Variants in ABCC8 observed in about 807,000 individuals in gnomAD.
The protein encoded by ABCC8 is ATP-binding cassette sub-family C member 8.
Under a neutral mutation model 188.0 loss-of-function variants are expected in ABCC8, and 137 were observed. That is an observed-to-expected ratio of 0.73 (90% CI 0.63 to 0.84). The LOEUF is 0.84. Among genes scored for constraint, ABCC8 ranks in the 40% least tolerant of loss-of-function variants. ABCC8 has a pLI of 0.00. For missense variants in ABCC8, 1,750 were observed against 2,072.7 expected (o/e 0.84, Z 3.02); for synonymous variants, 797 against 846.5 (o/e 0.94, Z 1.01).
chr11:17,413,570 T>C, intron 19 of ABCC8, 92 bp from the exon 20 acceptor site: 6 of 1,611,072 alleles, frequency 3.7e-6, no homozygotes, highest in Non-Finnish European at 5.1e-6. Context: ...TGGGTAGCTA[T>C]GCCCAGGGTG....
At chr11:17,425,856 C>A (rs1448588907) in intron 16 of ABCC8, among the ~76,000 whole-genome samples, 1 of 148,214 alleles carries the variant, frequency 6.7e-6, no homozygotes, top group East Asian at 2.0e-4. Flanking sequence ...CCCAGACAGG[C>A]CCCAGTGTGT....
At chr11:17,402,945 G>A (rs1325871680) in intron 28 of ABCC8, 192 bp from the exon 29 acceptor site, 3 of 187,516 alleles carry the variant, frequency 1.6e-5, no homozygotes, top group Admixed American at 6.5e-5. Context: ...GAATGAGATC[G>A]TTTATGTACA....
chr11:17,469,789 T>G lies in ABCC8; in HGVS notation c.412+312A>C, dbSNP rs2237969. 0.31 allele frequency among the ~76,000 whole-genome samples: 47,144 copies of G among 152,032 alleles called. 7,353 individuals carry two copies. The highest frequency in any genetic ancestry group is 0.44 in the Middle Eastern group (130 of 294). ...GAATACCTTCCCCCAAATATCTGCA[T>G]GCCCACAGTTACCACAGCCCTTCCC... On this transcript the variant is annotated intron_variant, in intron 3 of 38. Transcript: ENST00000389817.
intron 7 of ABCC8, among the ~76,000 whole-genome samples, chr11:17,450,751 C>T (rs1376703768): frequency 3.1e-5 from 4 of 130,812 alleles, no homozygotes; most frequent in African/African-American, 1.2e-4. Context: ...TATAGTGGCA[C>T]GATCTCAGCT....
chr11:17,406,039 A>G (rs899441245), intron 26 of ABCC8, among the ~76,000 whole-genome samples: 1 of 152,286 alleles, frequency 6.6e-6, no homozygotes, highest in African/African-American at 2.4e-5. Flanking sequence ...ATGAGGCTGG[A>G]AAGTAAAAAG....
intron 35 of ABCC8, 26 bp from the exon 36 acceptor site, chr11:17,395,301 T>G (rs1308468427): frequency 2.1e-5 from 32 of 1,559,502 alleles, no homozygotes; most frequent in Non-Finnish European, 2.5e-5. Context: ...AAAGCCCCAG[T>G]AGGGAGGGAG....
intron 38 of ABCC8, 187 bp from the exon 39 acceptor site, chr11:17,393,315 C>A (rs1454943784): frequency 1.5e-5 from 12 of 799,720 alleles, no homozygotes; most frequent in Non-Finnish European, 2.0e-5. Flanking sequence ...CTGCTAATAC[C>A]ACCCTTCTCT....
intron 11 of ABCC8, among the ~76,000 whole-genome samples, chr11:17,431,571 T>G (rs1031224381): frequency 6.6e-6 from 1 of 152,198 alleles, no homozygotes. Flanking sequence ...GGAGGCTGGG[T>G]GAGGGGGCTG....
intron 6 of ABCC8, among the ~76,000 whole-genome samples, chr11:17,457,682 G>A (rs1456614869): frequency 6.6e-6 from 1 of 152,188 alleles, no homozygotes; most frequent in Non-Finnish European, 1.5e-5. Flanking sequence ...GGGAGTGGCA[G>A]CGGGGTGACA....
chr11:17,450,393 TC>T (rs1250830797), intron 7 of ABCC8, among the ~76,000 whole-genome samples: 19,751 of 136,556 alleles, frequency 0.14, 4,372 homozygotes, highest in Middle Eastern at 0.27. Context: ...TTCCTTTCCT[TC>T]TTTCTTTCCT....
chr11:17,457,367 C>T (rs560122161), intron 6 of ABCC8, among the ~76,000 whole-genome samples: 2 of 152,256 alleles, frequency 1.3e-5, no homozygotes, highest in South Asian at 2.1e-4. Context: ...GGAACTCATT[C>T]GGAAACACAT....
chr11:17,415,431 C>T, intron 17 of ABCC8, 92 bp from the exon 18 acceptor site: 2 of 1,556,020 alleles, frequency 1.3e-6, no homozygotes, highest in Non-Finnish European at 1.7e-6. Context: ...CCAACATGAG[C>T]ATGCCTTTAC....
intron 18 of ABCC8, 135 bp from the exon 19 acceptor site, chr11:17,414,745 G>A: frequency 6.8e-7 from 1 of 1,471,134 alleles, no homozygotes. Flanking sequence ...TCTGCTTAGT[G>A]TGGCCTCTGG....
intron 14 of ABCC8, 163 bp downstream of exon 14, chr11:17,428,126 T>G: frequency 1.3e-6 from 2 of 1,553,120 alleles, no homozygotes; most frequent in East Asian, 2.3e-5. Flanking sequence ...AGGCTGGGGG[T>G]CCCCCCACTT....
intron 19 of ABCC8, 21 bp from the exon 20 acceptor site, chr11:17,413,499 G>A: frequency 6.2e-7 from 1 of 1,613,262 alleles, no homozygotes; most frequent in Non-Finnish European, 8.5e-7. Context: ...TAGAGGCAGG[G>A]GATGCAGCTG....
At chr11:17,459,344 A>T (rs1442617867) in intron 6 of ABCC8, among the ~76,000 whole-genome samples, 1 of 152,162 alleles carries the variant, frequency 6.6e-6, no homozygotes, top group Non-Finnish European at 1.5e-5. Flanking sequence ...CATCATAACT[A>T]TTGCTTTCAT....
intron 16 of ABCC8, among the ~76,000 whole-genome samples, chr11:17,417,569 A>G (rs1274628448): frequency 6.6e-6 from 1 of 152,184 alleles, no homozygotes; most frequent in East Asian, 1.9e-4. Context: ...CCAGTGCTCT[A>G]TCCCCTCCCC....
Position 17,404,725 on chromosome 11 carries a change from A to G in ABCC8, c.3400-56T>C. Reference sequence around the variant, plus strand: ...GAATTTTGGTATTGACTGTGTTTAGAGTGCTACTGGCCGCCATGTTTTGCT... The same window carrying G: ...GAATTTTGGTATTGACTGTGTTTAGGGTGCTACTGGCCGCCATGTTTTGCT... On this transcript the variant is annotated intron_variant, in intron 27 of 38. Transcript: ENST00000389817. The surrounding 1 kb of genome is among the most constrained non-coding windows in gnomAD (Gnocchi z 4.7). 2 of 1,558,000 alleles carry G rather than the reference A, an allele frequency of 1.3e-6. No homozygotes were observed. Among genetic ancestry groups the G allele is most frequent in the Non-Finnish European group, 1.7e-6 (2 of 1,151,556 alleles).
At chr11:17,459,454 T>C (rs1381961078) in intron 6 of ABCC8, among the ~76,000 whole-genome samples, 3 of 152,208 alleles carry the variant, frequency 2.0e-5, no homozygotes, top group Non-Finnish European at 4.4e-5. Flanking sequence ...GCCAAAACTG[T>C]TCAGCTGACT....
Sources: allele counts gnomAD v4.1 joint callset (sites outside exome capture counted in the v4.1 genomes callset), GRCh38; gene constraint gnomAD v4.1.1; non-coding constraint Gnocchi (gnomAD v3.1); transcripts MANE v1.5; gene names NCBI Gene and HGNC (gene_info 2026-07-23, HGNC 2026-07-21).